Variants in HEXB observed in about 807,000 individuals in gnomAD.
HEXB encodes the protein beta-hexosaminidase subunit beta.
In HEXB, 51 loss-of-function variants were observed where a neutral mutation model predicts 71.2. The observed-to-expected ratio is 0.72, with a 90% CI of 0.57 to 0.90. The LOEUF (loss-of-function observed/expected upper bound fraction) is 0.90, where lower values mean the gene tolerates loss of function less well. Ranked by LOEUF, HEXB falls within the 40% of genes least tolerant of loss-of-function variation. HEXB has a pLI of 0.00. For missense variants in HEXB, 617 were observed against 677.0 expected (o/e 0.91, Z 0.98); for synonymous variants, 266 against 249.3 (o/e 1.07, Z -0.63).
At chr5:74,667,017 A>G (rs1263667991) in intron 1 of HEXB, among the ~76,000 whole-genome samples, 1 of 152,196 alleles carries the variant, frequency 6.6e-6, no homozygotes, top group Non-Finnish European at 1.5e-5. Flanking sequence ...AGTAGGGTCT[A>G]TAGATCCTCT....
intron 1 of HEXB, among the ~76,000 whole-genome samples, chr5:74,646,796 T>C (rs1348186930): frequency 1.3e-5 from 2 of 152,022 alleles, no homozygotes; most frequent in East Asian, 3.9e-4. Flanking sequence ...CTTGAACTCC[T>C]GACCTCGTGA....
At position 74,652,635 on chromosome 5, in the gene HEXB, T is replaced by C. The variant is rs1748140364; in HGVS notation, c.-377+12077T>C. Among the ~76,000 whole-genome samples, 1 of 152,206 alleles carries C rather than the reference T, an allele frequency of 6.6e-6. No individual in the cohort carries two copies. Among genetic ancestry groups the C allele is most frequent in the Non-Finnish European group, 1.5e-5 (1 of 68,040 alleles). On this transcript the variant is annotated intron_variant, in intron 1 of 13. Transcript: ENST00000511181. This position sits in a 1 kb window ranked among gnomAD's most constrained non-coding sequence, Gnocchi z 5.4. ...TGGTGGAAACTTCATTTGAGTCATG[T>C]AAGGGATTCCCTCCCTTACCCCCAC...
rs767987520 is a variant in HEXB, at chr5:74,715,637, G to C, written c.1029G>C (p.Val343=). 1.2e-6 allele frequency: 2 copies of C among 1,610,048 alleles called. No homozygotes were observed. The highest frequency in any genetic ancestry group is 8.5e-7 in the Non-Finnish European group (1 of 1,176,794). The change falls in exon 8 of 14, where the codon GTG becomes GTC. Residue 343 remains valine (V), a synonymous_variant. Transcript: ENST00000261416. Reference sequence around the variant, plus strand: ...CATTTTTCAAAGAAATTAGTGAGGTGTTTCCAGATCAATTCATTCATTTGG... The same window carrying C: ...CATTTTTCAAAGAAATTAGTGAGGTCTTTCCAGATCAATTCATTCATTTGG... ...LTTFFKEISE[V]FPDQFIHLGG...
Position 74,718,918 on chromosome 5 carries a change from G to A in HEXB, c.1364G>A (p.Ser455Asn), listed in dbSNP as rs1749742624. The change falls in exon 11 of 14, where the codon AGC (serine) becomes AAC (asparagine). Residue 455 changes from serine (S) to asparagine (N), a missense_variant. By Grantham distance (46) the Ser-to-Asn change is conservative (BLOSUM62 1). Coordinates refer to ENST00000261416, the MANE Select transcript of HEXB (RefSeq NM_000521.4). The stretch of plus-strand genomic sequence containing the variant: ...GCTCCTTGGTACTTAGATTTGATTA[G>A]CTATGGACAAGATTGGAGGAAATAC... Reference protein sequence around the residue: ...LSAPWYLDLISYGQDWRKYYK... With the variant: ...LSAPWYLDLINYGQDWRKYYK... 2 of 1,613,980 alleles carry A rather than the reference G, an allele frequency of 1.2e-6. No individual in the cohort carries two copies. Among genetic ancestry groups the A allele is most frequent in the South Asian group, 2.2e-5 (2 of 91,088 alleles).
chr5:74,685,046 G>C, upstream of HEXB: 1 of 537,394 alleles, frequency 1.9e-6, no homozygotes, highest in Non-Finnish European at 3.2e-6. Context: ...GCTCCTACCC[G>C]AGGGCACCCC....
chr5:74,710,100 G>A (rs1022933618), intron 6 of HEXB, among the ~76,000 whole-genome samples: 1 of 151,978 alleles, frequency 6.6e-6, no homozygotes, highest in Admixed American at 6.6e-5. Context: ...TGATCAAGTG[G>A]GCTTCATCCC....
chr5:74,649,952 A>T (rs568633597), intron 1 of HEXB, among the ~76,000 whole-genome samples: 123 of 152,374 alleles, frequency 8.1e-4, no homozygotes, highest in African/African-American at 2.7e-3. Flanking sequence ...TGAGAGAAGC[A>T]TCTTTTTCCC....
intron 1 of HEXB, among the ~76,000 whole-genome samples, chr5:74,647,096 C>T (rs993529582): frequency 1.8e-4 from 28 of 152,134 alleles, no homozygotes; most frequent in African/African-American, 6.5e-4. Flanking sequence ...TCACACAAGG[C>T]CTCTGTGGGG....
At chr5:74,665,076 T>A (rs182975386) in intron 1 of HEXB, among the ~76,000 whole-genome samples, 269 of 152,356 alleles carry the variant, frequency 1.8e-3, no homozygotes, top group African/African-American at 5.9e-3. Flanking sequence ...AAGATATTTA[T>A]CACAGGCTAT....
chr5:74,659,494 A>T (rs560385821), intron 1 of HEXB, among the ~76,000 whole-genome samples: 2 of 152,196 alleles, frequency 1.3e-5, no homozygotes, highest in African/African-American at 2.4e-5. Context: ...AAGTTATTGC[A>T]GGGTAGTGAA....
chr5:74,662,154 T>C (rs905800130), intron 1 of HEXB, among the ~76,000 whole-genome samples: 5 of 151,510 alleles, frequency 3.3e-5, no homozygotes, highest in Non-Finnish European at 5.9e-5. Flanking sequence ...AAAACCACCA[T>C]GATTTTAAGC....
At chr5:74,693,792 C>A in intron 3 of HEXB, 88 bp downstream of exon 3, 2 of 908,276 alleles carry the variant, frequency 2.2e-6, no homozygotes, top group South Asian at 1.3e-5. Flanking sequence ...CAAAACTTTG[C>A]CGCCTTAGAT....
At chr5:74,653,908 G>T (rs893036908) in intron 1 of HEXB, among the ~76,000 whole-genome samples, 14 of 152,040 alleles carry the variant, frequency 9.2e-5, no homozygotes, top group African/African-American at 3.4e-4. Context: ...TAGGGGTGTG[G>T]TCTAGTTGCA....
At chr5:74,675,198 C>T (rs1748609302) in intron 1 of HEXB, among the ~76,000 whole-genome samples, 1 of 152,180 alleles carries the variant, frequency 6.6e-6, no homozygotes, top group Non-Finnish European at 1.5e-5. Flanking sequence ...AAGAGGATTC[C>T]TGCTGAAGGC....
chr5:74,674,536 G>A (rs1162509025), intron 1 of HEXB, among the ~76,000 whole-genome samples: 1 of 151,092 alleles, frequency 6.6e-6, no homozygotes, highest in South Asian at 2.1e-4. Flanking sequence ...CCCGGGAGGC[G>A]GAGCTTGCAG....
At chr5:74,678,641 A>G (rs1208009666) in intron 1 of HEXB, among the ~76,000 whole-genome samples, 1 of 152,190 alleles carries the variant, frequency 6.6e-6, no homozygotes, top group Non-Finnish European at 1.5e-5. Flanking sequence ...AATTTTTATC[A>G]TCGTTGAATG....
At chr5:74,653,281 A>C (rs1748156409) in intron 1 of HEXB, among the ~76,000 whole-genome samples, 1 of 152,234 alleles carries the variant, frequency 6.6e-6, no homozygotes, top group South Asian at 2.1e-4. Context: ...AAAGTTTAAA[A>C]AAAGTAGCTG....
Position 74,668,230 on chromosome 5 carries a change from T to TTGTGTG in HEXB, c.-376-21074_-376-21069dup, listed in dbSNP as rs34727155. ...TTTTGTTTTTTTGTTTTTGTTTTGT[T>TTGTGTG]TGTGTGTGTGTGTGTGTGTGTGTGT... On this transcript the variant is annotated intron_variant, in intron 1 of 13. Coordinates refer to the HEXB transcript ENST00000511181. Among the ~76,000 whole-genome samples the TTGTGTG allele has an allele frequency of 9.1e-3, 1,359 of 148,668 alleles. 17 individuals carry two copies. The highest frequency in any genetic ancestry group is 0.032 in the African/African-American group (1,286 of 40,166).
chr5:74,673,738 C>T (rs965137530), intron 1 of HEXB, among the ~76,000 whole-genome samples: 4 of 152,080 alleles, frequency 2.6e-5, no homozygotes, highest in Non-Finnish European at 4.4e-5. Flanking sequence ...TAGACTGGAG[C>T]TGAAATGGTG....
Sources: allele counts gnomAD v4.1 joint callset (sites outside exome capture counted in the v4.1 genomes callset), GRCh38; gene constraint gnomAD v4.1.1; non-coding constraint Gnocchi (gnomAD v3.1); transcripts MANE v1.5; gene names NCBI Gene and HGNC (gene_info 2026-07-23, HGNC 2026-07-21).